The following PI4KA variants were observed in gnomAD, a reference collection of about 807,000 sequenced individuals.
PI4KA encodes the protein PI4-kinase alpha.
Under a neutral mutation model 271.4 loss-of-function variants are expected in PI4KA, and 122 were observed. That is an observed-to-expected ratio of 0.45 (90% CI 0.39 to 0.52). PI4KA has a LOEUF of 0.52. PI4KA is among the 20% of genes least tolerant of loss of function. PI4KA has a pLI of 0.00. For missense variants in PI4KA, 1,969 were observed against 2,769.1 expected (o/e 0.71, Z 6.48); for synonymous variants, 1,041 against 1,078.8 (o/e 0.96, Z 0.69).
chr22:20,846,983 T>TA, intron 1 of PI4KA, among the ~76,000 whole-genome samples: 1 of 150,890 alleles, frequency 6.6e-6, no homozygotes, highest in East Asian at 2.0e-4. Flanking sequence ...CCGTCTCTAC[T>TA]AAAAATACAA....
intron 10 of PI4KA, among the ~76,000 whole-genome samples, chr22:20,806,987 G>C (rs1236130279): frequency 6.6e-6 from 1 of 152,024 alleles, no homozygotes; most frequent in Non-Finnish European, 1.5e-5. Flanking sequence ...AGCCCACCTT[G>C]TCCTCCCAAA....
intron 1 of PI4KA, among the ~76,000 whole-genome samples, chr22:20,847,087 G>A (rs989534770): frequency 2.0e-5 from 3 of 151,020 alleles, no homozygotes; most frequent in Non-Finnish European, 4.4e-5. Context: ...GGTGGAGGTT[G>A]CAGTGAGCCG....
At chr22:20,756,630 T>TA (rs113722637) in intron 23 of PI4KA, among the ~76,000 whole-genome samples, 3 of 143,150 alleles carry the variant, frequency 2.1e-5, no homozygotes, top group Non-Finnish European at 3.0e-5. Context: ...CTAAGGAGAT[T>TA]AAAAAAAATT....
In PI4KA at chr22:20,811,608, A is replaced by AC. The variant is rs67927441; in HGVS notation, c.1006-577_1006-576insG. On this transcript the variant is annotated intron_variant, in intron 8 of 54. Transcript: ENST00000255882. ...ATTGTTCTGTCAACTGCAGAACCACAAAAAAAAAAAAAAAACTGCCCACAT... is the reference window on the plus strand; with the variant it reads ...ATTGTTCTGTCAACTGCAGAACCACACAAAAAAAAAAAAAAACTGCCCACAT... Among the ~76,000 whole-genome samples the AC allele has an allele frequency of 6.1e-3, 244 of 40,242 alleles. 1 individual carries two copies. The highest frequency in any genetic ancestry group is 0.029 in the African/African-American group (235 of 7,972). 26.4% of individuals were successfully genotyped at this position (40,242 alleles called of 152,430 possible).
At chr22:20,846,914 G>A (rs536096108) in intron 1 of PI4KA, among the ~76,000 whole-genome samples, 2 of 150,038 alleles carry the variant, frequency 1.3e-5, no homozygotes, top group East Asian at 2.0e-4. Context: ...TTGGGAAGCC[G>A]AAGTGGGTGG....
intron 19 of PI4KA, among the ~76,000 whole-genome samples, chr22:20,789,476 C>T (rs1934492617): frequency 2.0e-5 from 3 of 152,196 alleles, no homozygotes; most frequent in African/African-American, 7.2e-5. Flanking sequence ...ACTACAGGCA[C>T]GTGCCACCAC....
At chr22:20,788,167 TG>T (rs1307244485) in intron 19 of PI4KA, among the ~76,000 whole-genome samples, 1 of 152,128 alleles carries the variant, frequency 6.6e-6, no homozygotes, top group Non-Finnish European at 1.5e-5. Context: ...TGTGTGCAGG[TG>T]TCTAACTGTA....
At chr22:20,744,190 C>T (rs1929797073) in intron 30 of PI4KA, among the ~76,000 whole-genome samples, 1 of 152,184 alleles carries the variant, frequency 6.6e-6, no homozygotes, top group Non-Finnish European at 1.5e-5. Context: ...TGGGTGAAAG[C>T]CCACGATGTG....
At chr22:20,806,995 A>G (rs1295399410) in intron 10 of PI4KA, among the ~76,000 whole-genome samples, 4 of 152,096 alleles carry the variant, frequency 2.6e-5, no homozygotes, top group African/African-American at 9.7e-5. Flanking sequence ...TTGTCCTCCC[A>G]AAGTGCTGGG....
chr22:20,719,085 A>G (rs1230159389), intron 43 of PI4KA, among the ~76,000 whole-genome samples: 1 of 152,146 alleles, frequency 6.6e-6, no homozygotes. Context: ...TGCACACGCT[A>G]CACACGCAGG....
intron 19 of PI4KA, among the ~76,000 whole-genome samples, chr22:20,787,972 C>T (rs1365713012): frequency 1.3e-5 from 2 of 152,220 alleles, no homozygotes; most frequent in Non-Finnish European, 2.9e-5. Flanking sequence ...CAGGCTGCTG[C>T]AGCTTTCATC....
At chr22:20,849,784 G>A (rs960051647) in intron 1 of PI4KA, among the ~76,000 whole-genome samples, 2 of 152,122 alleles carry the variant, frequency 1.3e-5, no homozygotes, top group African/African-American at 4.8e-5. Context: ...AACCTGGGAG[G>A]CAGAGCTTGC....
intron 19 of PI4KA, chr22:20,787,293 G>C (rs986993673): frequency 1.0e-5 from 6 of 571,998 alleles, no homozygotes; most frequent in Non-Finnish European, 1.9e-5. Context: ...TGTAACTGTA[G>C]TGTGTCTGCT....
At chr22:20,786,948 T>G (rs771239760) in intron 19 of PI4KA, 2 of 1,614,050 alleles carry the variant, frequency 1.2e-6, no homozygotes. Flanking sequence ...GTGGGGTTCA[T>G]GCCGCTGTCC....
chr22:20,804,266 G>C (rs765159665), intron 12 of PI4KA, 34 bp downstream of exon 12: 1 of 1,407,840 alleles, frequency 7.1e-7, no homozygotes, highest in Non-Finnish European at 1.0e-6. Flanking sequence ...CCTACAGGTG[G>C]GATCTGAGCC....
chr22:20,716,072 AC>A (rs1925969822), intron 45 of PI4KA, among the ~76,000 whole-genome samples: 1 of 148,714 alleles, frequency 6.7e-6, no homozygotes, highest in African/African-American at 2.5e-5. Context: ...TTTTTTTGAG[AC>A]CAAGTCTTGC....
At chr22:20,824,156 A>G (rs1006351451) in intron 4 of PI4KA, among the ~76,000 whole-genome samples, 170 bp downstream of exon 4, 4 of 152,126 alleles carry the variant, frequency 2.6e-5, no homozygotes, top group African/African-American at 9.7e-5. Flanking sequence ...CGAGATCCTA[A>G]AGAGTAGTGA....
intron 39 of PI4KA, among the ~76,000 whole-genome samples, chr22:20,728,164 A>C (rs931334623): frequency 1.1e-4 from 17 of 152,326 alleles, no homozygotes; most frequent in African/African-American, 4.1e-4. Context: ...CCCATTCTCC[A>C]AGATGTGCTT....
intron 4 of PI4KA, among the ~76,000 whole-genome samples, chr22:20,821,589 TTTTG>T (rs361536): frequency 4.0e-5 from 6 of 150,508 alleles, no homozygotes; most frequent in South Asian, 2.1e-4. Flanking sequence ...ATCCCAGCAC[TTTTG>T]TTTGTTTGTT....
Sources: allele counts gnomAD v4.1 joint callset (sites outside exome capture counted in the v4.1 genomes callset), GRCh38; gene constraint gnomAD v4.1.1; transcripts MANE v1.5; gene names NCBI Gene and HGNC (gene_info 2026-07-23, HGNC 2026-07-21).